SKI: variants seen among roughly 807,000 people sequenced by gnomAD.
The protein encoded by SKI is SKI proto-oncogene.
A neutral mutation model predicts 59.3 loss-of-function variants in SKI; 23 were observed. The observed-to-expected ratio is 0.39, with a 90% CI of 0.28 to 0.55. The LOEUF is 0.55. Ranked by LOEUF, SKI falls within the 20% of genes least tolerant of loss-of-function variation. The pLI is 0.67. For missense variants in SKI, 1,017 were observed against 1,038.9 expected (o/e 0.98, Z 0.29); for synonymous variants, 673 against 488.6 (o/e 1.38, Z -4.98).
chr1:2,246,914 G>A (rs971838288), intron 1 of SKI, among the ~76,000 whole-genome samples: 1 of 152,162 alleles, frequency 6.6e-6, no homozygotes, highest in South Asian at 2.1e-4. Context: ...TGCTTTCTGG[G>A]AGGCCTGTGC....
At chr1:2,305,011 C>T (rs373409145) in intron 5 of SKI, among the ~76,000 whole-genome samples, 4 of 152,342 alleles carry the variant, frequency 2.6e-5, no homozygotes, top group African/African-American at 7.2e-5. Context: ...TCACGCGCTC[C>T]GCCAGCAAGA....
At chr1:2,299,261 G>T (rs904465339) in intron 1 of SKI, among the ~76,000 whole-genome samples, 4 of 152,200 alleles carry the variant, frequency 2.6e-5, no homozygotes, top group Admixed American at 6.5e-5. Context: ...GGAGGGGGGG[G>T]GCCACACGGG....
intron 5 of SKI, among the ~76,000 whole-genome samples, chr1:2,305,623 C>T (rs1640553179): frequency 6.6e-6 from 1 of 152,174 alleles, no homozygotes; most frequent in Non-Finnish European, 1.5e-5. Context: ...ACGTGTCCAT[C>T]TGGCTGCGTG....
At position 2,303,831 on chromosome 1, in the gene SKI, C is replaced by T; in HGVS notation, c.1212-9C>T. 2 of 1,612,274 alleles carry T rather than the reference C, an allele frequency of 1.2e-6. No homozygotes were observed. Among genetic ancestry groups the T allele is most frequent in the Non-Finnish European group, 1.7e-6 (2 of 1,179,714 alleles). On this transcript the variant is annotated splice_polypyrimidine_tract_variant and intron_variant, in intron 3 of 6. Transcript: ENST00000378536. The surrounding 1 kb of genome is among the most constrained non-coding windows in gnomAD (Gnocchi z 5.6). The stretch of plus-strand genomic sequence containing the variant: ...GAGGCACCTTCCCGACACCCGCCTG[C>T]CCCTCCAGCTTCTACTCCTACAAGA...
At chr1:2,289,923 A>G (rs1434259128) in intron 1 of SKI, among the ~76,000 whole-genome samples, 3 of 151,754 alleles carry the variant, frequency 2.0e-5, no homozygotes, top group Non-Finnish European at 4.4e-5. Flanking sequence ...GCCACTCCAC[A>G]GAGGGGGTGC....
chr1:2,231,117 C>T (rs1395253766), intron 1 of SKI, among the ~76,000 whole-genome samples: 4 of 152,206 alleles, frequency 2.6e-5, no homozygotes, highest in African/African-American at 4.8e-5. Context: ...TCGTGTCACA[C>T]GGGGAGTTGG....
At chr1:2,290,767 G>A (rs761893276) in intron 1 of SKI, among the ~76,000 whole-genome samples, 2 of 152,158 alleles carry the variant, frequency 1.3e-5, no homozygotes, top group Non-Finnish European at 2.9e-5. Context: ...TTGCGGAGCC[G>A]TCCTGTAAAG....
intron 1 of SKI, among the ~76,000 whole-genome samples, chr1:2,285,428 T>C (rs1186346446): frequency 3.3e-5 from 5 of 151,592 alleles, no homozygotes; most frequent in Non-Finnish European, 7.4e-5. Context: ...GGCAGGAGAA[T>C]TGCTTGAACC....
At chr1:2,295,017 G>A (rs1640251201) in intron 1 of SKI, among the ~76,000 whole-genome samples, 1 of 152,268 alleles carries the variant, frequency 6.6e-6, no homozygotes, top group African/African-American at 2.4e-5. Flanking sequence ...TGGATGTCAG[G>A]CCCCTGGCTC....
At chr1:2,305,242 T>G (rs1557853134) in intron 5 of SKI, among the ~76,000 whole-genome samples, 2 of 152,332 alleles carry the variant, frequency 1.3e-5, no homozygotes, top group Non-Finnish European at 2.9e-5. Flanking sequence ...GGTTTCTTTC[T>G]GACATGACTG....
intron 1 of SKI, among the ~76,000 whole-genome samples, chr1:2,241,973 C>G (rs917537084): frequency 1.4e-5 from 2 of 146,828 alleles, no homozygotes; most frequent in Admixed American, 6.9e-5. Context: ...GTGTGTGTGC[C>G]TGTGTGTGCC....
In SKI at chr1:2,308,814, C is replaced by G. The variant is rs1640665200; in HGVS notation, c.*2049C>G. 6.6e-6 allele frequency: 1 copy of G among 152,282 alleles called. No individual in the cohort carries two copies. Among genetic ancestry groups the G allele is most frequent in the African/African-American group, 2.4e-5 (1 of 41,452 alleles). 9.4% of individuals were successfully genotyped at this position (152,282 alleles called of 1,614,324 possible). ...CCAGAGGGAGATGAGCTTTTCCAAG[C>G]TGTGTCTGGGCCAGAGCCTCTCCTT... On this transcript the variant is annotated 3_prime_UTR_variant, in exon 7 of 7. Coordinates refer to ENST00000378536, the MANE Select transcript of SKI (RefSeq NM_003036.4).
At chr1:2,282,642 G>A (rs1319603308) in intron 1 of SKI, among the ~76,000 whole-genome samples, 1 of 152,186 alleles carries the variant, frequency 6.6e-6, no homozygotes, top group African/African-American at 2.4e-5. Flanking sequence ...CTTCCCCCAA[G>A]CCCGCTGGCT....
chr1:2,233,086 C>T (rs1013172630), intron 1 of SKI, among the ~76,000 whole-genome samples: 2 of 152,208 alleles, frequency 1.3e-5, no homozygotes, highest in Non-Finnish European at 2.9e-5. Flanking sequence ...TGGGACGCGG[C>T]CCCTTGTCCC....
intron 1 of SKI, among the ~76,000 whole-genome samples, chr1:2,276,839 T>C (rs1325134889): frequency 6.6e-6 from 1 of 152,174 alleles, no homozygotes; most frequent in Admixed American, 6.5e-5. Flanking sequence ...GTTCCTGACA[T>C]GTTCAGGAAC....
At chr1:2,298,024 C>T (rs879285813) in intron 1 of SKI, among the ~76,000 whole-genome samples, 7 of 152,266 alleles carry the variant, frequency 4.6e-5, no homozygotes, top group East Asian at 1.9e-4. Flanking sequence ...GTTTTGACAC[C>T]GGGTGGTCAT....
At chr1:2,280,376 A>G (rs1270956555) in intron 1 of SKI, among the ~76,000 whole-genome samples, 3 of 85,434 alleles carry the variant, frequency 3.5e-5, no homozygotes, top group Non-Finnish European at 5.1e-5. Context: ...CGTCTGTCTC[A>G]AAAAAAAAAA....
intron 1 of SKI, among the ~76,000 whole-genome samples, chr1:2,247,403 C>G (rs1308896048): frequency 6.6e-6 from 1 of 152,198 alleles, no homozygotes; most frequent in Non-Finnish European, 1.5e-5. Context: ...CTTCTCCCTC[C>G]TTTCTTCTGG....
rs925899137 is a variant in SKI at position 2,303,476 on chromosome 1, T to C, written c.1211+76T>C. On this transcript the variant is annotated intron_variant, in intron 3 of 6. Transcript: ENST00000378536. This position sits in a 1 kb window ranked among gnomAD's most constrained non-coding sequence, Gnocchi z 5.6. Reference sequence around the variant, plus strand: ...AGGGCTGTGCATGCGGACGCGCCCATGTTTCTGCAGGCTGGGTGCCCAGAC... The same window carrying C: ...AGGGCTGTGCATGCGGACGCGCCCACGTTTCTGCAGGCTGGGTGCCCAGAC... The C allele has an allele frequency of 3.5e-5, 47 of 1,333,154 alleles. No homozygotes were observed. Among genetic ancestry groups the C allele is most frequent in the Admixed American group, 2.4e-4 (14 of 58,048 alleles). The allele number at this position is 1,333,154 out of a possible 1,614,324, so 82.6% of individuals were successfully genotyped here.
Sources: allele counts gnomAD v4.1 joint callset (sites outside exome capture counted in the v4.1 genomes callset), GRCh38; gene constraint gnomAD v4.1.1; non-coding constraint Gnocchi (gnomAD v3.1); transcripts MANE v1.5; gene names NCBI Gene and HGNC (gene_info 2026-07-23, HGNC 2026-07-21).